The following CAV1 variants were observed in gnomAD, a reference collection of about 807,000 sequenced individuals.
The protein encoded by CAV1 is caveolin-1.
CAV1 carries 10 observed loss-of-function variants against 16.5 expected under a neutral mutation model. The observed-to-expected ratio is 0.61, with a 90% CI of 0.37 to 1.03. CAV1 has a LOEUF of 1.03. CAV1 is among the 50% of genes least tolerant of loss of function. The pLI is 0.01. For synonymous variants in CAV1, 76 were observed against 85.1 expected (o/e 0.89, Z 0.59); for missense variants, 212 against 232.8 (o/e 0.91, Z 0.58).
chr7:116,541,706 A>T (rs1793939125), intron 2 of CAV1, among the ~76,000 whole-genome samples: 1 of 148,882 alleles, frequency 6.7e-6, no homozygotes, highest in Non-Finnish European at 1.5e-5. Context: ...GTGAGCCATG[A>T]TTGTGCCACT....
rs543108627 is a variant in CAV1 at position 116,555,075 on chromosome 7, C to T, written c.196-3871C>T. The stretch of plus-strand genomic sequence containing the variant: ...AATAGAAATTAGCTCTTTTGAGCCA[C>T]TGGTGGGGTTTAAATTCCCAGCCCT... On this transcript the variant is annotated intron_variant, in intron 2 of 2. Transcript: ENST00000341049. Among the ~76,000 whole-genome samples the T allele has an allele frequency of 2.6e-3, 395 of 152,238 alleles. 1 individual carries two copies. The highest frequency in any genetic ancestry group is 8.8e-3 in the African/African-American group (367 of 41,560).
At chr7:116,555,749 A>C (rs1394752490) in intron 2 of CAV1, among the ~76,000 whole-genome samples, 1 of 151,658 alleles carries the variant, frequency 6.6e-6, no homozygotes, top group East Asian at 1.9e-4. Flanking sequence ...GCATTTACTA[A>C]TCATATTGCT....
At chr7:116,537,520 A>G (rs1255708793) in intron 2 of CAV1, among the ~76,000 whole-genome samples, 1 of 152,202 alleles carries the variant, frequency 6.6e-6, no homozygotes. Flanking sequence ...AGATTGCCAG[A>G]ACAACACAGG....
intron 1 of CAV1, 29 bp from the exon 2 acceptor site, chr7:116,526,496 C>T (rs1023178398): frequency 6.2e-7 from 1 of 1,613,406 alleles, no homozygotes; most frequent in Non-Finnish European, 8.5e-7. Context: ...CCCTCCCCGT[C>T]CTGGCCGTCC....
intron 2 of CAV1, among the ~76,000 whole-genome samples, chr7:116,543,610 GTTTTGTTTTGTTT>G (rs1793981940): frequency 1.3e-5 from 2 of 152,102 alleles, no homozygotes; most frequent in African/African-American, 2.4e-5. Flanking sequence ...TCAGGTTTGG[GTTTTGTTTTGTTT>G]TTTTGTTTTG....
intron 2 of CAV1, among the ~76,000 whole-genome samples, chr7:116,530,777 G>A (rs183388834): frequency 4.4e-4 from 63 of 143,462 alleles, no homozygotes; most frequent in Non-Finnish European, 7.4e-4. Context: ...AGTAAAATGC[G>A]GAGTCTGTAA....
chr7:116,550,329 G>A (rs911423088), intron 2 of CAV1, among the ~76,000 whole-genome samples: 3 of 152,224 alleles, frequency 2.0e-5, no homozygotes, highest in East Asian at 1.9e-4. Context: ...GGGAACCAAC[G>A]TCGAAGCCCA....
Position 116,560,106 on chromosome 7 carries a change from G to C in CAV1, c.*819G>C. The C allele has an allele frequency of 3.0e-6, 1 of 338,312 alleles. No individual in the cohort carries two copies. Among genetic ancestry groups the C allele is most frequent in the Admixed American group, 4.8e-5 (1 of 20,848 alleles). 21.0% of individuals were successfully genotyped at this position (338,312 alleles called of 1,614,324 possible). On this transcript the variant is annotated 3_prime_UTR_variant, in exon 3 of 3. Transcript: ENST00000341049. Reference sequence around the variant, plus strand: ...AGAGTCTGGTGAAGCTCACTTCTGGGCTTCATCTGGCAACATCTTTATCCG... The same window carrying C: ...AGAGTCTGGTGAAGCTCACTTCTGGCCTTCATCTGGCAACATCTTTATCCG...
rs1794395647 is a variant in CAV1, at chr7:116,560,843, T to C, written c.*1556T>C. ...TACCAACCTGTTACCTACTTTGACT[T>C]TTTGCATTTAAAACAGACACTGGCA... is the stretch of plus-strand genomic sequence containing the variant. On this transcript the variant is annotated 3_prime_UTR_variant, in exon 3 of 3. Coordinates refer to ENST00000341049, the MANE Select transcript of CAV1 (RefSeq NM_001753.5). 1 of 152,634 alleles carries C rather than the reference T, an allele frequency of 6.6e-6. No individual in the cohort carries two copies. Among genetic ancestry groups the C allele is most frequent in the South Asian group, 2.1e-4 (1 of 4,826 alleles). The allele number at this position is 152,634 out of a possible 1,614,324, so 9.5% of individuals were successfully genotyped here.
chr7:116,544,467 C>T (rs1213870499), intron 2 of CAV1, among the ~76,000 whole-genome samples: 2 of 152,134 alleles, frequency 1.3e-5, no homozygotes, highest in Admixed American at 6.5e-5. Flanking sequence ...CACACACATA[C>T]ACACACACTA....
At position 116,530,208 on chromosome 7, in the gene CAV1, C is replaced by CTCTTTTTTTTTTTTTTT. The variant is rs370865342; in HGVS notation, c.195+3520_195+3521insCTTTTTTTTTTTTTTTT. 7.1e-4 allele frequency among the ~76,000 whole-genome samples: 89 copies of CTCTTTTTTTTTTTTTTT among 125,356 alleles called. 1 individual carries two copies. The highest frequency in any genetic ancestry group is 2.7e-3 in the African/African-American group (83 of 31,184). 82.2% of individuals were successfully genotyped at this position (125,356 alleles called of 152,430 possible). The stretch of plus-strand genomic sequence containing the variant: ...CATGGAAACTGATTGGTCCTTTTTC[C>CTCTTTTTTTTTTTTTTT]TTTTTTTTTTTTTGCCTTGACTGCC... On this transcript the variant is annotated intron_variant, in intron 2 of 2. Coordinates refer to ENST00000341049, the MANE Select transcript of CAV1 (RefSeq NM_001753.5).
chr7:116,541,226 A>G (rs1292826546), intron 2 of CAV1, among the ~76,000 whole-genome samples: 1 of 152,104 alleles, frequency 6.6e-6, no homozygotes. Flanking sequence ...CCTAGGGAAG[A>G]GCAAAAGGAA....
intron 2 of CAV1, among the ~76,000 whole-genome samples, chr7:116,533,641 G>A (rs1793732374): frequency 6.6e-6 from 1 of 152,020 alleles, no homozygotes; most frequent in Non-Finnish European, 1.5e-5. Context: ...GGATATAAAT[G>A]CTGCCTACAT....
intron 2 of CAV1, among the ~76,000 whole-genome samples, chr7:116,538,207 T>C (rs1417335872): frequency 6.6e-6 from 1 of 152,106 alleles, no homozygotes; most frequent in African/African-American, 2.4e-5. Flanking sequence ...AAAACCTGAG[T>C]TTTATGTTGG....
intron 2 of CAV1, among the ~76,000 whole-genome samples, chr7:116,545,698 GCTGTAGTTCAAA>G (rs1463518225): frequency 6.6e-6 from 1 of 152,222 alleles, no homozygotes; most frequent in Non-Finnish European, 1.5e-5. Context: ...TGTTTAAAAA[GCTGTAGTTCAAA>G]CAAATGTGCA....
chr7:116,534,372 T>G (rs1377503213), intron 2 of CAV1, among the ~76,000 whole-genome samples: 3 of 14,940 alleles, frequency 2.0e-4, no homozygotes, highest in Non-Finnish European at 3.3e-4. Flanking sequence ...GATATATATA[T>G]ATATATATAT....
chr7:116,539,528 T>C (rs1793894799), intron 2 of CAV1, among the ~76,000 whole-genome samples: 1 of 152,192 alleles, frequency 6.6e-6, no homozygotes, highest in Non-Finnish European at 1.5e-5. Flanking sequence ...CTATTGGCCA[T>C]ATTTGAAAAT....
chr7:116,534,304 C>T (rs537019169), intron 2 of CAV1, among the ~76,000 whole-genome samples: 189 of 136,140 alleles, frequency 1.4e-3, no homozygotes, highest in African/African-American at 3.1e-3. Context: ...TCAAATTTGG[C>T]GAGGTGTCAA....
intron 2 of CAV1, among the ~76,000 whole-genome samples, chr7:116,535,958 G>A (rs1043320847): frequency 5.9e-5 from 9 of 152,204 alleles, no homozygotes; most frequent in African/African-American, 2.2e-4. Context: ...GCAATTTAAA[G>A]GTGACGTTTT....
Sources: allele counts gnomAD v4.1 joint callset (sites outside exome capture counted in the v4.1 genomes callset), GRCh38; gene constraint gnomAD v4.1.1; transcripts MANE v1.5; gene names NCBI Gene and HGNC (gene_info 2026-07-23, HGNC 2026-07-21).